CALCOCO2: variants seen among roughly 807,000 people sequenced by gnomAD.
CALCOCO2 encodes the protein calcium binding and coiled-coil domain 2, also known as calcium-binding and coiled-coil domain-containing protein 2.
In CALCOCO2, 42 loss-of-function variants were observed where a neutral mutation model predicts 62.5. That is an observed-to-expected ratio of 0.67 (90% CI 0.53 to 0.87). CALCOCO2 has a LOEUF of 0.87. Ranked by LOEUF, CALCOCO2 falls within the 40% of genes least tolerant of loss-of-function variation. The probability of loss-of-function intolerance (pLI) is 0.00; values close to 1 mark genes in which losing one functional copy is unlikely to be tolerated. For synonymous variants in CALCOCO2, 167 were observed against 173.0 expected (o/e 0.97, Z 0.27); for missense variants, 456 against 515.0 (o/e 0.89, Z 1.11).
At chr17:48,845,741 A>AAG (rs1200028670) in intron 2 of CALCOCO2, among the ~76,000 whole-genome samples, 1 of 150,390 alleles carries the variant, frequency 6.6e-6, no homozygotes, top group Non-Finnish European at 1.5e-5. Flanking sequence ...AAAAAAAAAA[A>AAG]AAAGAAAAGA....
At chr17:48,856,721 G>A in intron 10 of CALCOCO2, 1 of 417,366 alleles carries the variant, frequency 2.4e-6, no homozygotes, top group South Asian at 1.7e-5. Flanking sequence ...AAGATGATAT[G>A]GCAAAAAATA....
Position 48,864,059 on chromosome 17 carries a change from T to A in CALCOCO2, c.*1054T>A, listed in dbSNP as rs2040361551. The A allele has an allele frequency of 1.1e-5, 1 of 94,974 alleles. No individual in the cohort carries two copies. The highest frequency in any genetic ancestry group is 2.1e-5 in the Non-Finnish European group (1 of 47,230). The allele number at this position is 94,974 out of a possible 1,614,324, so 5.9% of individuals were successfully genotyped here. ...TGTGAAATCCAAGGCCCTGGCTTGC[T>A]TTCTTTCTTTTTTTTTTTTTTTTTT... On this transcript the variant is annotated 3_prime_UTR_variant, in exon 13 of 13. Coordinates refer to ENST00000258947, the MANE Select transcript of CALCOCO2 (RefSeq NM_005831.5).
intron 10 of CALCOCO2, among the ~76,000 whole-genome samples, chr17:48,858,220 T>G (rs1055857442): frequency 6.6e-6 from 1 of 152,076 alleles, no homozygotes; most frequent in South Asian, 2.1e-4. Context: ...ACTTTCTACT[T>G]TTGATTATAT....
At position 48,848,126 on chromosome 17, in the gene CALCOCO2, AAAC is replaced by A; in HGVS notation, c.249_251del (p.Asn83del). ...TGTGGGTTACTTTGCCCATTGACCT[AAAC>A]AACAAATCAGCTAAACAGCAGGAAG... On this transcript the variant is annotated inframe_deletion, in exon 3 of 13. Coordinates refer to ENST00000258947, the MANE Select transcript of CALCOCO2 (RefSeq NM_005831.5). 1.9e-6 allele frequency: 3 copies of A among 1,613,680 alleles called. No homozygotes were observed. Among genetic ancestry groups the A allele is most frequent in the Non-Finnish European group, 2.5e-6 (3 of 1,179,594 alleles).
intron 10 of CALCOCO2, among the ~76,000 whole-genome samples, chr17:48,858,056 GAAT>G (rs1555573927): frequency 7.2e-6 from 1 of 138,608 alleles, no homozygotes; most frequent in African/African-American, 2.7e-5. Flanking sequence ...AAATAGAATA[GAAT>G]AGAATAGAAT....
chr17:48,853,755 T>TA (rs1387558017), intron 9 of CALCOCO2, among the ~76,000 whole-genome samples: 1 of 152,348 alleles, frequency 6.6e-6, no homozygotes, highest in East Asian at 1.9e-4. Flanking sequence ...TACCAACATT[T>TA]AAAAATAGGA....
In CALCOCO2 at chr17:48,852,626, C is replaced by G; in HGVS notation, c.823C>G (p.Gln275Glu). 2 of 1,611,178 alleles carry G rather than the reference C, an allele frequency of 1.2e-6. No individual in the cohort carries two copies. Among genetic ancestry groups the G allele is most frequent in the African/African-American group, 2.7e-5 (2 of 74,778 alleles). The stretch of plus-strand genomic sequence containing the variant: ...CCACCTCTTTCTCAGTTTAACTGAA[C>G]AGGTAGAGTCATGAGAGAAAACAAC... Reference protein sequence around the residue: ...NDHLFLSLTEQRKDQKKLEQT... With the variant: ...NDHLFLSLTEERKDQKKLEQT... Residue 275 changes from glutamine (Q) to glutamate (E), a missense_variant and splice_region_variant, in exon 8 of 13, where the codon CAG (glutamine) becomes GAG (glutamate). Physicochemically the swap from Gln to Glu is conservative, Grantham distance 29 (BLOSUM62 2). Transcript: ENST00000258947.
At chr17:48,851,236 G>A in intron 6 of CALCOCO2, 59 bp downstream of exon 6, 1 of 930,880 alleles carries the variant, frequency 1.1e-6, no homozygotes. Context: ...GTACCCTTAA[G>A]TACAGTCAGA....
At chr17:48,849,933 G>T (rs1034865949) in intron 5 of CALCOCO2, among the ~76,000 whole-genome samples, 1 of 152,134 alleles carries the variant, frequency 6.6e-6, no homozygotes, top group Admixed American at 6.6e-5. Context: ...CAAGATGGGT[G>T]GATCACTTGA....
chr17:48,846,532 C>T, intron 2 of CALCOCO2: 1 of 1,238,154 alleles, frequency 8.1e-7, no homozygotes, highest in Admixed American at 2.0e-5. Flanking sequence ...GAAGTTGTTT[C>T]CCTGTTCCAA....
intron 4 of CALCOCO2, 87 bp downstream of exon 4, chr17:48,848,542 T>C (rs2040084293): frequency 3.3e-6 from 4 of 1,212,144 alleles, no homozygotes; most frequent in African/African-American, 3.0e-5. Context: ...TAAGGCTTTA[T>C]TGAATATCTA....
Position 48,852,961 on chromosome 17 carries a change from G to A in CALCOCO2, c.861G>A (p.Glu287=), listed in dbSNP as rs1567756667. Residue 287 remains glutamate (E), a synonymous_variant, in exon 9 of 13, where the codon GAG becomes GAA. Transcript: ENST00000258947. The part of the protein sequence containing the change: ...KDQKKLEQTV[E]QMKQNETTAM... ...AGAAGAAGCTCGAGCAGACAGTGGA[G>A]CAAATGAAGCAGAATGAAACTACTG... 2 of 1,613,766 alleles carry A rather than the reference G, an allele frequency of 1.2e-6. No individual in the cohort carries two copies. Among genetic ancestry groups the A allele is most frequent in the Non-Finnish European group, 1.7e-6 (2 of 1,179,686 alleles).
In CALCOCO2 at chr17:48,852,717, A is replaced by G. The variant is rs567070403; in HGVS notation, c.825+89A>G. The G allele has an allele frequency of 8.2e-5, 103 of 1,257,812 alleles. No individual in the cohort carries two copies. In the African/African-American group the frequency reaches 1.4e-3, roughly 17 times the overall value. The allele number at this position is 1,257,812 out of a possible 1,614,324, so 77.9% of individuals were successfully genotyped here. A position where few individuals can be genotyped will look rare whatever the true frequency, so the allele number is the denominator to read the frequency against. On this transcript the variant is annotated intron_variant, in intron 8 of 12. Coordinates refer to ENST00000258947, the MANE Select transcript of CALCOCO2 (RefSeq NM_005831.5). Reference sequence around the variant, plus strand: ...ATAAAGAACATTTTAATGTTCTTTAATATACCTGGATGTCACTGGCTTTAG... The same window carrying G: ...ATAAAGAACATTTTAATGTTCTTTAGTATACCTGGATGTCACTGGCTTTAG...
chr17:48,859,471 G>A (rs1178326097), intron 10 of CALCOCO2, among the ~76,000 whole-genome samples: 9 of 151,952 alleles, frequency 5.9e-5, no homozygotes, highest in Admixed American at 2.6e-4. Context: ...GCACGGTGTC[G>A]TGTGCCTGTA....
At chr17:48,843,939 A>C (rs942018998) in intron 2 of CALCOCO2, 3 of 152,304 alleles carry the variant, frequency 2.0e-5, no homozygotes, top group African/African-American at 7.2e-5. Context: ...GCTGGAGTGC[A>C]ATGGCGCAAT....
intron 11 of CALCOCO2, among the ~76,000 whole-genome samples, chr17:48,860,984 A>C (rs555628687): frequency 6.6e-6 from 1 of 152,272 alleles, no homozygotes; most frequent in Admixed American, 6.5e-5. Context: ...ATGAGATCTC[A>C]TTTACTTTTT....
At position 48,851,543 on chromosome 17, in the gene CALCOCO2, A is replaced by G. The variant is rs369841438; in HGVS notation, c.633-16A>G. 3.3e-6 allele frequency: 5 copies of G among 1,499,102 alleles called. No homozygotes were observed. Among genetic ancestry groups the G allele is most frequent in the Admixed American group, 1.7e-5 (1 of 59,890 alleles). 92.9% of individuals were successfully genotyped at this position (1,499,102 alleles called of 1,614,324 possible). ...GAATCAGTGAATTTTTCACATAGTT[A>G]TCTCCACCTCTACAGACTGAAAGAA... On this transcript the variant is annotated splice_polypyrimidine_tract_variant and intron_variant, in intron 6 of 12. Coordinates refer to ENST00000258947, the MANE Select transcript of CALCOCO2 (RefSeq NM_005831.5).
At chr17:48,841,603 C>A (rs2039974695) in intron 1 of CALCOCO2, 95 bp from the exon 2 acceptor site, 1 of 845,576 alleles carries the variant, frequency 1.2e-6, no homozygotes, top group Non-Finnish European at 1.7e-6. Context: ...TCCTGACTTG[C>A]TTTGCACAGA....
Position 48,864,431 on chromosome 17 carries a change from A to T in CALCOCO2, c.*1426A>T, listed in dbSNP as rs1192919533. 6.5e-6 allele frequency: 1 copy of T among 154,214 alleles called. No homozygotes were observed. Among genetic ancestry groups the T allele is most frequent in the Non-Finnish European group, 1.5e-5 (1 of 68,218 alleles). The allele number at this position is 154,214 out of a possible 1,614,324, so 9.6% of individuals were successfully genotyped here. ...TAAAAGGAGCAGTGTGGATTTTCGC[A>T]CCCTTTGTGAACTAAGTTCAATGCG... On this transcript the variant is annotated 3_prime_UTR_variant, in exon 13 of 13. Coordinates refer to ENST00000258947, the MANE Select transcript of CALCOCO2 (RefSeq NM_005831.5).
Sources: allele counts gnomAD v4.1 joint callset (sites outside exome capture counted in the v4.1 genomes callset), GRCh38; gene constraint gnomAD v4.1.1; transcripts MANE v1.5; gene names NCBI Gene and HGNC (gene_info 2026-07-23, HGNC 2026-07-21).